SCFD2: variants seen among roughly 807,000 people sequenced by gnomAD.
SCFD2 encodes the protein sec1 family domain containing 2.
A neutral mutation model predicts 58.9 loss-of-function variants in SCFD2; 54 were observed. That is an observed-to-expected ratio of 0.92 (90% CI 0.74 to 1.15). The LOEUF (loss-of-function observed/expected upper bound fraction) is 1.15, where lower values mean the gene tolerates loss of function less well. Among genes scored for constraint, SCFD2 ranks in the 50% most tolerant of loss-of-function variants. The pLI is 0.00. For synonymous variants in SCFD2, 321 were observed against 335.9 expected, an observed-to-expected ratio of 0.96 and a Z score of 0.49; for missense variants, 805 against 836.6, an observed-to-expected ratio of 0.96 and a Z score of 0.47.
chr4:52,875,801 ACTAT>A (rs1718455586), intron 8 of SCFD2, among the ~76,000 whole-genome samples: 2 of 46,374 alleles, frequency 4.3e-5, no homozygotes, highest in Non-Finnish European at 8.6e-5. Flanking sequence ...ATTATCTTTA[ACTAT>A]ATATATATAT....
chr4:52,978,392 A>G (rs1356337344), intron 5 of SCFD2, among the ~76,000 whole-genome samples: 1 of 152,178 alleles, frequency 6.6e-6, no homozygotes, highest in Admixed American at 6.5e-5. Flanking sequence ...AGCATCTGCT[A>G]GTAAGGCCTG....
At chr4:52,999,728 T>C (rs1031490463) in intron 5 of SCFD2, among the ~76,000 whole-genome samples, 7 of 152,240 alleles carry the variant, frequency 4.6e-5, no homozygotes, top group South Asian at 2.1e-4. Context: ...TCTTCTATAA[T>C]GTTGTTTTTG....
chr4:53,049,678 C>T (rs1308323673), intron 5 of SCFD2, among the ~76,000 whole-genome samples: 2 of 152,106 alleles, frequency 1.3e-5, no homozygotes, highest in Non-Finnish European at 2.9e-5. Context: ...GAATGGAAGG[C>T]ATGCATCAGC....
At chr4:53,269,016 T>C (rs1328896177) in intron 4 of SCFD2, among the ~76,000 whole-genome samples, 6 of 152,180 alleles carry the variant, frequency 3.9e-5, no homozygotes, top group African/African-American at 1.4e-4. Context: ...CCCTGTGCTG[T>C]TAGACTAGAG....
intron 5 of SCFD2, among the ~76,000 whole-genome samples, chr4:53,076,719 T>C (rs1723986974): frequency 6.6e-6 from 1 of 152,160 alleles, no homozygotes; most frequent in South Asian, 2.1e-4. Context: ...AATGAACCTT[T>C]AAATGGTGAT....
chr4:53,341,726 A>C (rs1180616040), intron 2 of SCFD2, among the ~76,000 whole-genome samples: 1 of 152,246 alleles, frequency 6.6e-6, no homozygotes, highest in African/African-American at 2.4e-5. Flanking sequence ...GGTTACCCAC[A>C]AAGGGAAGCC....
chr4:53,270,840 A>C (rs1560422076), intron 4 of SCFD2, among the ~76,000 whole-genome samples: 1 of 152,198 alleles, frequency 6.6e-6, no homozygotes, highest in African/African-American at 2.4e-5. Context: ...TAAACTGACA[A>C]CTAGAACAAA....
chr4:53,320,872 A>C (rs971646333), intron 2 of SCFD2, among the ~76,000 whole-genome samples: 3 of 152,216 alleles, frequency 2.0e-5, no homozygotes, highest in African/African-American at 7.2e-5. Flanking sequence ...TTCTGTTTTT[A>C]ATATCATGGT....
chr4:52,930,402 A>G (rs1331719921), intron 5 of SCFD2, among the ~76,000 whole-genome samples: 3 of 152,206 alleles, frequency 2.0e-5, no homozygotes, highest in Non-Finnish European at 4.4e-5. Flanking sequence ...AAACTAGGAG[A>G]AACACTAGGA....
At chr4:53,083,727 G>T (rs779192095) in intron 5 of SCFD2, among the ~76,000 whole-genome samples, 2 of 152,166 alleles carry the variant, frequency 1.3e-5, no homozygotes, top group Admixed American at 6.6e-5. Flanking sequence ...GCCGCCAGGG[G>T]TGACATCACA....
chr4:53,064,399 G>A (rs1431627454), intron 5 of SCFD2, among the ~76,000 whole-genome samples: 1 of 148,702 alleles, frequency 6.7e-6, no homozygotes, highest in Non-Finnish European at 1.5e-5. Flanking sequence ...ACAATATCCT[G>A]TAATGCAAAT....
intron 5 of SCFD2, among the ~76,000 whole-genome samples, chr4:52,962,677 G>A (rs1303885183): frequency 1.3e-5 from 2 of 151,722 alleles, no homozygotes; most frequent in African/African-American, 4.8e-5. Context: ...GTTTAGAGGG[G>A]GGCAGCATTA....
chr4:53,010,374 C>T (rs993509980), intron 5 of SCFD2, among the ~76,000 whole-genome samples: 25 of 152,162 alleles, frequency 1.6e-4, no homozygotes, highest in African/African-American at 5.1e-4. Flanking sequence ...ATATTCAAAA[C>T]GTGACTTTTA....
chr4:53,334,368 C>T (rs374999709), intron 2 of SCFD2, among the ~76,000 whole-genome samples: 24 of 152,130 alleles, frequency 1.6e-4, no homozygotes, highest in African/African-American at 2.2e-4. Flanking sequence ...CCAACAATGA[C>T]AGACTGGATT....
intron 5 of SCFD2, among the ~76,000 whole-genome samples, chr4:53,138,756 G>A (rs532058775): frequency 7.7e-4 from 118 of 152,344 alleles, no homozygotes; most frequent in African/African-American, 2.7e-3. Flanking sequence ...CATTTTGTCA[G>A]AGATTTGTAT....
chr4:53,250,366 C>G (rs1730315055), intron 4 of SCFD2, among the ~76,000 whole-genome samples: 1 of 152,018 alleles, frequency 6.6e-6, no homozygotes, highest in African/African-American at 2.4e-5. Context: ...ACTTTAACAC[C>G]CCACTGTCAA....
chr4:53,145,263 C>T, intron 5 of SCFD2, 70 bp downstream of exon 5: 1 of 1,554,116 alleles, frequency 6.4e-7, no homozygotes, highest in Non-Finnish European at 8.8e-7. Flanking sequence ...CTTCCCAAAA[C>T]AGTATTTATT....
chr4:52,954,905 A>C (rs1024586171), intron 5 of SCFD2, among the ~76,000 whole-genome samples: 4 of 152,256 alleles, frequency 2.6e-5, no homozygotes, highest in African/African-American at 9.6e-5. Context: ...CTGTACGAGT[A>C]CACACTCCTC....
intron 8 of SCFD2, among the ~76,000 whole-genome samples, chr4:52,879,385 C>T (rs145009947): frequency 1.7e-4 from 26 of 152,328 alleles, no homozygotes; most frequent in Admixed American, 6.5e-4. Context: ...AGAGCCTGAA[C>T]GACACTGCAA....
Sources: allele counts gnomAD v4.1 joint callset (sites outside exome capture counted in the v4.1 genomes callset), GRCh38; gene constraint gnomAD v4.1.1; transcripts MANE v1.5; gene names NCBI Gene and HGNC (gene_info 2026-07-23, HGNC 2026-07-21).